MINDY4: variants seen among roughly 807,000 people sequenced by gnomAD.
MINDY4 encodes the protein MINDY lysine 48 deubiquitinase 4, also known as probable ubiquitin carboxyl-terminal hydrolase MINDY-4.
A neutral mutation model predicts 87.0 loss-of-function variants in MINDY4; 68 were observed. The ratio of observed to expected loss-of-function variants is 0.78; its 90% CI spans 0.64 to 0.96. The LOEUF is 0.96. MINDY4 is among the 40% of genes least tolerant of loss of function. MINDY4 has a pLI of 0.00. For synonymous variants in MINDY4, 379 were observed against 363.2 expected (o/e 1.04, Z -0.50); for missense variants, 919 against 928.2 (o/e 0.99, Z 0.13).
intron 4 of MINDY4, among the ~76,000 whole-genome samples, chr7:30,790,378 A>G (rs1490377774): frequency 6.6e-6 from 1 of 152,208 alleles, no homozygotes; most frequent in Non-Finnish European, 1.5e-5. Flanking sequence ...AAAAGACTGT[A>G]AGCAGCCTCA....
chr7:30,771,606 G>A (rs1161294884), intron 1 of MINDY4, 50 bp downstream of exon 1: 1 of 1,546,146 alleles, frequency 6.5e-7, no homozygotes, highest in Admixed American at 2.0e-5. Flanking sequence ...AATTTGGGGG[G>A]ATCATCGGGG....
chr7:30,789,402 A>C (rs546056756), intron 4 of MINDY4, among the ~76,000 whole-genome samples: 10 of 152,238 alleles, frequency 6.6e-5, no homozygotes, highest in African/African-American at 1.4e-4. Context: ...CAGATTCTCT[A>C]GAAGGGACAT....
At position 30,786,011 on chromosome 7, in the gene MINDY4, CTGT is replaced by C. The variant is rs1242280060; in HGVS notation, c.663+24_663+26del. On this transcript the variant is annotated intron_variant, in intron 4 of 17. Transcript: ENST00000265299. ...CCCACAGGTGGGGCTGTTGCTCTTT[CTGT>C]TGTTATGGGACTGGAGGCTGAGAAC... 1 of 1,612,904 alleles carries C rather than the reference CTGT, an allele frequency of 6.2e-7. No homozygotes were observed. Among genetic ancestry groups the C allele is most frequent in the East Asian group, 2.2e-5 (1 of 44,876 alleles).
chr7:30,857,359 A>G (rs1050185679), intron 12 of MINDY4, among the ~76,000 whole-genome samples: 16 of 149,776 alleles, frequency 1.1e-4, no homozygotes, highest in African/African-American at 3.6e-4. Context: ...AGGAGCCTGC[A>G]TTTCTGTCAT....
chr7:30,777,860 C>G (rs1319036341), intron 1 of MINDY4, among the ~76,000 whole-genome samples: 3 of 152,208 alleles, frequency 2.0e-5, no homozygotes, highest in Non-Finnish European at 4.4e-5. Context: ...TTTTCCATTG[C>G]TAGAGCATGT....
In MINDY4 at chr7:30,818,676, T is replaced by A. The variant is rs932036574; in HGVS notation, c.1074-10003T>A. ...AATGTAAACTGGGGAGATTTTCTTA[T>A]ATTTGGTGGAACACATCAGTAAAAC... is the stretch of plus-strand genomic sequence containing the variant. On this transcript the variant is annotated intron_variant, in intron 5 of 17. Transcript: ENST00000265299. Among the ~76,000 whole-genome samples, 4 of 152,308 alleles carry A rather than the reference T, an allele frequency of 2.6e-5. No homozygotes were observed. The South Asian group carries it at 8.3e-4, about 32-fold the overall frequency.
intron 13 of MINDY4, among the ~76,000 whole-genome samples, chr7:30,862,058 T>G (rs1223788406): frequency 1.3e-5 from 2 of 152,260 alleles, no homozygotes; most frequent in Non-Finnish European, 2.9e-5. Context: ...TTAGTTAAGC[T>G]TGTAGTTAAA....
chr7:30,835,505 T>C (rs1788831178), intron 6 of MINDY4, among the ~76,000 whole-genome samples: 1 of 152,242 alleles, frequency 6.6e-6, no homozygotes, highest in Non-Finnish European at 1.5e-5. Flanking sequence ...TTCAGGTTCA[T>C]ATTTAAATTC....
chr7:30,871,451 C>T (rs1790103704), intron 13 of MINDY4, among the ~76,000 whole-genome samples: 1 of 152,156 alleles, frequency 6.6e-6, no homozygotes, highest in Admixed American at 6.5e-5. Context: ...GGACAGCAAG[C>T]CGGGAAGGAG....
chr7:30,771,516 A>G lies in MINDY4; in HGVS notation c.23A>G (p.Glu8Gly). MDSLFVE[E>G]VAASLVREFL... ...GCCATGGACAGCCTCTTCGTGGAGG[A>G]GGTGGCCGCCTCCTTGGTCAGGGAG... The change falls in exon 1 of 18, where the codon GAG (glutamate) becomes GGG (glycine). Residue 8 changes from glutamate (E) to glycine (G), a missense_variant. Physicochemically the swap from Glu to Gly is moderately conservative, Grantham distance 98. Transcript: ENST00000265299. The G allele has an allele frequency of 6.2e-7, 1 of 1,605,654 alleles. No individual in the cohort carries two copies. Among genetic ancestry groups the G allele is most frequent in the Admixed American group, 1.7e-5 (1 of 58,684 alleles).
At chr7:30,885,810 C>T (rs553914253) in intron 17 of MINDY4, among the ~76,000 whole-genome samples, 75 of 152,042 alleles carry the variant, frequency 4.9e-4, no homozygotes, top group African/African-American at 1.7e-3. Context: ...CTTCCTGGCT[C>T]CATTAGCTAT....
At chr7:30,805,818 A>G (rs1452502646) in intron 5 of MINDY4, among the ~76,000 whole-genome samples, 1 of 152,210 alleles carries the variant, frequency 6.6e-6, no homozygotes, top group Non-Finnish European at 1.5e-5. Flanking sequence ...TGGCAGCTCA[A>G]GAAAGAAGAA....
At chr7:30,801,232 C>T (rs1787642078) in intron 5 of MINDY4, among the ~76,000 whole-genome samples, 1 of 152,208 alleles carries the variant, frequency 6.6e-6, no homozygotes, top group South Asian at 2.1e-4. Context: ...AAAACATCTG[C>T]ACCTCATGGG....
intron 5 of MINDY4, among the ~76,000 whole-genome samples, chr7:30,801,364 T>C (rs1787644629): frequency 6.6e-6 from 1 of 152,210 alleles, no homozygotes; most frequent in African/African-American, 2.4e-5. Context: ...CTTTCCAGCA[T>C]GCCGGTCATC....
chr7:30,809,467 A>G (rs868367190), intron 5 of MINDY4, among the ~76,000 whole-genome samples: 2 of 151,908 alleles, frequency 1.3e-5, no homozygotes, highest in African/African-American at 2.4e-5. Flanking sequence ...TCTAAATCTT[A>G]ATTACCATAC....
intron 17 of MINDY4, among the ~76,000 whole-genome samples, chr7:30,890,996 A>G (rs537961195): frequency 2.0e-5 from 3 of 152,244 alleles, no homozygotes; most frequent in East Asian, 3.9e-4. Context: ...TTCTTCCTCC[A>G]TGGCAGTTAG....
intron 5 of MINDY4, among the ~76,000 whole-genome samples, chr7:30,795,723 G>A (rs1413204160): frequency 6.6e-6 from 1 of 152,318 alleles, no homozygotes; most frequent in Non-Finnish European, 1.5e-5. Flanking sequence ...TCAGCAGGCT[G>A]CATTCCTTCT....
intron 6 of MINDY4, among the ~76,000 whole-genome samples, chr7:30,831,094 T>C (rs1001651833): frequency 6.6e-6 from 1 of 152,118 alleles, no homozygotes; most frequent in African/African-American, 2.4e-5. Flanking sequence ...GATACAAGCT[T>C]AGATGTTGGG....
Position 30,875,646 on chromosome 7 carries a change from A to C in MINDY4, c.1961A>C (p.Asn654Thr). Residue 654 changes from asparagine (N) to threonine (T), a missense_variant, in exon 15 of 18, where the codon AAC becomes ACC. Coordinates refer to ENST00000265299, the MANE Select transcript of MINDY4 (RefSeq NM_032222.3). ...TTCTTATCTCTCTTTGAGCATTACA[A>C]CATGTGCCAGGTACCCAGATGCTCA... ...IGFLSLFEHYNMCQVGCFLKT... is the reference protein window; with the variant it reads ...IGFLSLFEHYTMCQVGCFLKT... 6.2e-7 allele frequency: 1 copy of C among 1,608,052 alleles called. No individual in the cohort carries two copies. Among genetic ancestry groups the C allele is most frequent in the Non-Finnish European group, 8.5e-7 (1 of 1,176,012 alleles).
Sources: gnomAD v4.1 joint callset for allele counts (sites outside exome capture counted in the v4.1 genomes callset) on GRCh38, gnomAD v4.1.1 for gene constraint, MANE v1.5 for transcripts, NCBI Gene and HGNC (gene_info 2026-07-23, HGNC 2026-07-21) for gene names.